The following ARAP2 variants were observed in gnomAD, a reference collection of about 807,000 sequenced individuals.
ARAP2 encodes ArfGAP with RhoGAP domain, ankyrin repeat and PH domain 2.
A neutral mutation model predicts 194.5 loss-of-function variants in ARAP2; 148 were observed. The ratio of observed to expected loss-of-function variants is 0.76; its 90% CI spans 0.67 to 0.87. The LOEUF is 0.87. Ranked by LOEUF, ARAP2 falls within the 40% of genes least tolerant of loss-of-function variation. The pLI, the probability that ARAP2 is intolerant of heterozygous loss-of-function variation, is 0.00. For synonymous variants in ARAP2, 695 were observed against 683.5 expected, an observed-to-expected ratio of 1.02 and a Z score of -0.26; for missense variants, 2,128 against 1,989.7, an observed-to-expected ratio of 1.07 and a Z score of -1.32.
chr4:36,055,545 C>CTTATTT (rs893319729), intron 2 of ARAP2, among the ~76,000 whole-genome samples: 3 of 151,954 alleles, frequency 2.0e-5, no homozygotes, highest in East Asian at 1.9e-4. Context: ...GTTTCAGGTA[C>CTTATTT]TTATTTTTAT....
At chr4:36,155,457 T>C (rs1732033433) in intron 15 of ARAP2, among the ~76,000 whole-genome samples, 1 of 152,016 alleles carries the variant, frequency 6.6e-6, no homozygotes, top group Admixed American at 6.6e-5. Context: ...AAGTGCCCTC[T>C]TTGCATAGGG....
chr4:36,128,507 T>G (rs201124868), intron 21 of ARAP2, 26 bp downstream of exon 21: 1 of 779,828 alleles, frequency 1.3e-6, no homozygotes, highest in Non-Finnish European at 1.9e-6. Context: ...CACACACATA[T>G]CTACAAATAT....
intron 5 of ARAP2, among the ~76,000 whole-genome samples, chr4:36,026,863 G>A (rs1339962542): frequency 6.6e-6 from 1 of 152,198 alleles, no homozygotes; most frequent in African/African-American, 2.4e-5. Flanking sequence ...TTTTTGTCAC[G>A]TGCGCCAGCA....
At chr4:36,074,157 A>G (rs1370787474) in intron 31 of ARAP2, among the ~76,000 whole-genome samples, 1 of 152,148 alleles carries the variant, frequency 6.6e-6, no homozygotes, top group Non-Finnish European at 1.5e-5. Context: ...ATTGCTAGGC[A>G]CTGTAATCTA....
intron 28 of ARAP2, among the ~76,000 whole-genome samples, chr4:36,089,958 T>C (rs1288009393): frequency 1.3e-5 from 2 of 152,004 alleles, no homozygotes; most frequent in Non-Finnish European, 1.5e-5. Flanking sequence ...ATGAGCATGC[T>C]ATTATTATTA....
chr4:36,178,014 G>T lies in ARAP2; in HGVS notation c.1679-9C>A, dbSNP rs1273896460. Reference sequence around the variant, plus strand: ...CCAGTCATTTCTCTCCTCTGAAAATGAAGACAGGAGAAAATACATAAATCC... The same window carrying T: ...CCAGTCATTTCTCTCCTCTGAAAATTAAGACAGGAGAAAATACATAAATCC... On this transcript the variant is annotated splice_polypyrimidine_tract_variant and intron_variant, in intron 8 of 32. Transcript: ENST00000303965. The T allele has an allele frequency of 1.3e-6, 2 of 1,578,104 alleles. No individual in the cohort carries two copies. Among genetic ancestry groups the T allele is most frequent in the Non-Finnish European group, 1.7e-6 (2 of 1,165,076 alleles).
Position 36,133,403 on chromosome 4 carries a change from A to AAAGCATTTCAAATTAT in ARAP2, c.3264-30_3264-15dup. On this transcript the variant is annotated splice_polypyrimidine_tract_variant and intron_variant, in intron 19 of 32. Transcript: ENST00000303965. ...ATGTATAATGTTCTGTAAAGTTTAA[A>AAAGCATTTCAAATTAT]AAGCATTTCAAATTATAATTTTGCT... is the stretch of plus-strand genomic sequence containing the variant. 1 of 1,593,432 alleles carries AAAGCATTTCAAATTAT rather than the reference A, an allele frequency of 6.3e-7. No individual in the cohort carries two copies. The highest frequency in any genetic ancestry group is 8.5e-7 in the Non-Finnish European group (1 of 1,170,564).
Position 36,130,619 on chromosome 4 carries a change from C to T in ARAP2, c.3428-1874G>A, listed in dbSNP as rs139872477. On this transcript the variant is annotated intron_variant, in intron 20 of 32. Transcript: ENST00000303965. ...ATGGACACCAGTAGCACCCCCTGAA[C>T]CTCTTTACTAGAGAATTTTATACAC... Among the ~76,000 whole-genome samples, 1,187 of 151,962 alleles carry T rather than the reference C, an allele frequency of 7.8e-3. 6 individuals carry two copies. The highest frequency in any genetic ancestry group is 0.014 in the Middle Eastern group (4 of 294).
intron 28 of ARAP2, among the ~76,000 whole-genome samples, chr4:36,088,555 C>A (rs1348388891): frequency 6.6e-6 from 1 of 152,016 alleles, no homozygotes; most frequent in Non-Finnish European, 1.5e-5. Context: ...GGTTCAAATG[C>A]AGTATATAAT....
chr4:36,183,309 C>T (rs1002394337), intron 8 of ARAP2, among the ~76,000 whole-genome samples: 1 of 147,766 alleles, frequency 6.8e-6, no homozygotes, highest in Non-Finnish European at 1.5e-5. Context: ...AAAAAAAAGA[C>T]TTTTCCATAT....
intron 8 of ARAP2, among the ~76,000 whole-genome samples, chr4:36,014,229 GAAAGAAAGAAAGAAAGAAAGAAAGAAAGA>G (rs1560263706): frequency 2.3e-4 from 7 of 30,992 alleles, no homozygotes; most frequent in African/African-American, 4.5e-4. Context: ...CCTATCGAAA[GAAAGAAAGAAAGAAAGAAAGAAAGAAAGA>G]AAGAAAGAAA....
At chr4:36,032,793 AAT>A (rs1719216312) in intron 5 of ARAP2, among the ~76,000 whole-genome samples, 1 of 152,128 alleles carries the variant, frequency 6.6e-6, no homozygotes, top group Non-Finnish European at 1.5e-5. Flanking sequence ...CCTAGTACCC[AAT>A]AGTTATGTTT....
At chr4:36,092,219 T>A (rs1713880343) in intron 27 of ARAP2, among the ~76,000 whole-genome samples, 199 bp from the exon 28 acceptor site, 1 of 152,200 alleles carries the variant, frequency 6.6e-6, no homozygotes, top group African/African-American at 2.4e-5. Flanking sequence ...ACTGTTCAAG[T>A]AGCCACAGGC....
intron 5 of ARAP2, among the ~76,000 whole-genome samples, chr4:36,034,917 C>A (rs985071071): frequency 2.0e-5 from 3 of 152,084 alleles, no homozygotes; most frequent in Admixed American, 6.6e-5. Flanking sequence ...GTTGAACCAA[C>A]CTTGCATCCC....
rs1004597397 is a variant in ARAP2 at position 36,127,549 on chromosome 4, C to T, written c.3640+984G>A. Among the ~76,000 whole-genome samples the T allele has an allele frequency of 3.3e-5, 5 of 151,970 alleles. No individual in the cohort carries two copies. The East Asian group carries it at 9.7e-4, about 30-fold the overall frequency. Reference sequence around the variant, plus strand: ...AATATATCACTTGTTTTAGATTAAACAAATACTTTCAATGAGGAAAATTAC... The same window carrying T: ...AATATATCACTTGTTTTAGATTAAATAAATACTTTCAATGAGGAAAATTAC... On this transcript the variant is annotated intron_variant, in intron 21 of 32. Transcript: ENST00000303965.
At chr4:36,106,168 G>A (rs1718369634) in intron 27 of ARAP2, among the ~76,000 whole-genome samples, 1 of 151,766 alleles carries the variant, frequency 6.6e-6, no homozygotes, top group Non-Finnish European at 1.5e-5. Context: ...GGGAGGGAGG[G>A]GAAATCATTC....
At chr4:36,156,303 A>AGAAG (rs1234917668) in intron 15 of ARAP2, among the ~76,000 whole-genome samples, 3 of 127,288 alleles carry the variant, frequency 2.4e-5, no homozygotes, top group Admixed American at 8.1e-5. Context: ...AAAGAAGGAA[A>AGAAG]GAAGGAAGGA....
rs71199694 is a variant in ARAP2 at position 36,017,564 on chromosome 4, TAAAAA to T, written n.750+1575_750+1579del. 2.0e-3 allele frequency among the ~76,000 whole-genome samples: 85 copies of T among 42,574 alleles called. 5 individuals carry two copies. In the East Asian group the frequency reaches 0.03, roughly 15 times the overall value. 27.9% of individuals were successfully genotyped at this position (42,574 alleles called of 152,430 possible). ...TTTAAGCAAAGACCTAAGAAAGTGG[TAAAAA>T]AAAAAAAAAAAAAAAAAAGCTTTCT... On this transcript the variant is annotated intron_variant and non_coding_transcript_variant, in intron 6 of 12. Coordinates refer to the ARAP2 transcript ENST00000503225.
intron 6 of ARAP2, among the ~76,000 whole-genome samples, chr4:36,207,584 TA>T (rs1393749415): frequency 6.6e-6 from 1 of 152,234 alleles, no homozygotes; most frequent in African/African-American, 2.4e-5. Flanking sequence ...ATTTCAAAAG[TA>T]AATAGACAAC....
Sources: gnomAD v4.1 joint callset for allele counts (sites outside exome capture counted in the v4.1 genomes callset) on GRCh38, gnomAD v4.1.1 for gene constraint, MANE v1.5 for transcripts, NCBI Gene and HGNC (gene_info 2026-07-23, HGNC 2026-07-21) for gene names.